Variants in ZBTB44 observed in about 807,000 individuals in gnomAD.
The protein encoded by ZBTB44 is zinc finger and BTB domain containing 44, also known as zinc finger and BTB domain-containing protein 44.
A neutral mutation model predicts 54.0 loss-of-function variants in ZBTB44; 15 were observed. The observed-to-expected ratio is 0.28, with a 90% CI of 0.19 to 0.43. The LOEUF is 0.43. ZBTB44 is among the 20% of genes least tolerant of loss of function. The pLI is 1.00. For missense variants in ZBTB44, 487 were observed against 707.1 expected (o/e 0.69, Z 3.53); for synonymous variants, 230 against 250.1 (o/e 0.92, Z 0.76).
In ZBTB44 at chr11:130,296,201, G is replaced by C. The variant is rs1252829670; in HGVS notation, c.-57+18174C>G. ...GATTTCTCTGAAAAAAGGAGCCATT[G>C]TATGTTAGTGTTGATGATGATAAAG... On this transcript the variant is annotated intron_variant, in intron 1 of 7. Transcript: ENST00000357899. The C allele has an allele frequency of 2.3e-6, 3 of 1,291,842 alleles. No homozygotes were observed. The East Asian group carries it at 6.9e-5, about 30-fold the overall frequency. The allele number at this position is 1,291,842 out of a possible 1,614,324, so 80.0% of individuals were successfully genotyped here. A position where few individuals can be genotyped will look rare whatever the true frequency, so the allele number is the denominator to read the frequency against.
At chr11:130,258,122 T>C (rs1036946228) in intron 2 of ZBTB44, among the ~76,000 whole-genome samples, 1 of 152,186 alleles carries the variant, frequency 6.6e-6, no homozygotes, top group African/African-American at 2.4e-5. Context: ...TTATTCTCTA[T>C]AGCACTAAGG....
intron 1 of ZBTB44, among the ~76,000 whole-genome samples, chr11:130,276,891 T>C (rs1341016287): frequency 6.6e-6 from 1 of 152,248 alleles, no homozygotes; most frequent in Non-Finnish European, 1.5e-5. Context: ...CCTTTTATCC[T>C]TATAAAACGT....
chr11:130,301,996 G>A (rs954745070), intron 1 of ZBTB44, among the ~76,000 whole-genome samples: 4 of 150,272 alleles, frequency 2.7e-5, no homozygotes, highest in Admixed American at 6.6e-5. Context: ...AGGCCATAAT[G>A]AGCCACGATC....
Position 130,281,349 on chromosome 11 carries a change from G to A in ZBTB44, c.-56-19420C>T, listed in dbSNP as rs1452421723. 7.2e-5 allele frequency among the ~76,000 whole-genome samples: 11 copies of A among 151,894 alleles called. No individual in the cohort carries two copies. In the South Asian group the frequency reaches 8.3e-4, roughly 11 times the overall value. On this transcript the variant is annotated intron_variant, in intron 1 of 7. Coordinates refer to ENST00000357899, the MANE Select transcript of ZBTB44 (RefSeq NM_001301098.2). ...AGCCTAGGCAACACAGTGAGACCCT[G>A]TCTCCACAAAAAATACAAAAATTAG...
chr11:130,284,018 T>G (rs2134296074), intron 1 of ZBTB44, among the ~76,000 whole-genome samples: 1 of 127,710 alleles, frequency 7.8e-6, no homozygotes. Flanking sequence ...CTGGGCACGG[T>G]GGCTCATGCC....
intron 1 of ZBTB44, among the ~76,000 whole-genome samples, chr11:130,270,566 A>G (rs1401917451): frequency 6.6e-6 from 1 of 152,168 alleles, no homozygotes; most frequent in East Asian, 1.9e-4. Context: ...CTTCTTCAAA[A>G]AGTACAGGTA....
rs567056520 is a variant in ZBTB44 at position 130,227,523 on chromosome 11, A to G, written c.*4241T>C. On this transcript the variant is annotated 3_prime_UTR_variant, in exon 8 of 8. Coordinates refer to ENST00000357899, the MANE Select transcript of ZBTB44 (RefSeq NM_001301098.2). ...ACAATGCTATAACTGGCAGGGTAAA[A>G]AAGTCCCCCCGCCCCGACTTCCTTG... The G allele has an allele frequency of 6.6e-6, 1 of 152,326 alleles. No homozygotes were observed. The highest frequency in any genetic ancestry group is 2.1e-4 in the South Asian group (1 of 4,816). The allele number at this position is 152,326 out of a possible 1,614,324, so 9.4% of individuals were successfully genotyped here. A position where few individuals can be genotyped will look rare whatever the true frequency, so the allele number is the denominator to read the frequency against.
At position 130,306,808 on chromosome 11, in the gene ZBTB44, G is replaced by A. The variant is rs138464729; in HGVS notation, c.-57+7567C>T. ...ACTCAGGAATGGAAAACCAAATATC[G>A]TATGTTCTCACTTATAAGTGGGAGC... is the stretch of plus-strand genomic sequence containing the variant. On this transcript the variant is annotated intron_variant, in intron 1 of 7. Coordinates refer to ENST00000357899, the MANE Select transcript of ZBTB44 (RefSeq NM_001301098.2). Among the ~76,000 whole-genome samples, 608 of 152,072 alleles carry A rather than the reference G, an allele frequency of 4.0e-3. 7 individuals carry two copies. The highest frequency in any genetic ancestry group is 0.013 in the African/African-American group (560 of 41,504).
chr11:130,307,918 G>A (rs774553602), intron 1 of ZBTB44, among the ~76,000 whole-genome samples: 11 of 152,154 alleles, frequency 7.2e-5, no homozygotes, highest in Non-Finnish European at 1.2e-4. Context: ...TAGAGACAGG[G>A]TTTCACTATA....
intron 2 of ZBTB44, among the ~76,000 whole-genome samples, chr11:130,242,466 C>T (rs1954411272): frequency 6.6e-6 from 1 of 152,216 alleles, no homozygotes; most frequent in African/African-American, 2.4e-5. Flanking sequence ...CACTTCACTT[C>T]TGCCAAAAGT....
At chr11:130,240,082 C>T (rs914855441) in intron 2 of ZBTB44, among the ~76,000 whole-genome samples, 186 bp from the exon 3 acceptor site, 8 of 147,684 alleles carry the variant, frequency 5.4e-5, no homozygotes, top group African/African-American at 1.7e-4. Context: ...CGCTCTGTCG[C>T]CCAGGCTGGA....
rs1463380432 is a variant in ZBTB44, at chr11:130,230,572, T to C, written c.*1192A>G. 1 of 149,118 alleles carries C rather than the reference T, an allele frequency of 6.7e-6. No homozygotes were observed. Among genetic ancestry groups the C allele is most frequent in the Non-Finnish European group, 1.5e-5 (1 of 67,608 alleles). The allele number at this position is 149,118 out of a possible 1,614,324, so 9.2% of individuals were successfully genotyped here. A position where few individuals can be genotyped will look rare whatever the true frequency, so the allele number is the denominator to read the frequency against. ...TTAGTATATTTTGTCTTACTGAAAT[T>C]GATAAAAAAAAAAAACTGGCAATGT... On this transcript the variant is annotated 3_prime_UTR_variant, in exon 8 of 8. Transcript: ENST00000357899.
Position 130,273,451 on chromosome 11 carries a change from G to A in ZBTB44, c.-56-11522C>T, listed in dbSNP as rs190831093. ...CAGTCTCCTGAGTAGCTGGGACTAC[G>A]GGCATGGGCCACCAACATGCCTGGC... On this transcript the variant is annotated intron_variant, in intron 1 of 7. Transcript: ENST00000357899. Among the ~76,000 whole-genome samples, 748 of 151,738 alleles carry A rather than the reference G, an allele frequency of 4.9e-3. 6 individuals carry two copies. Among genetic ancestry groups the A allele is most frequent in the African/African-American group, 0.017 (706 of 41,372 alleles).
intron 1 of ZBTB44, among the ~76,000 whole-genome samples, chr11:130,263,635 C>T (rs1283243809): frequency 1.3e-5 from 2 of 152,116 alleles, no homozygotes; most frequent in Non-Finnish European, 2.9e-5. Context: ...TGAATAGGCC[C>T]CAAACAACAG....
Position 130,229,154 on chromosome 11 carries a change from A to G in ZBTB44, c.*2610T>C, listed in dbSNP as rs1390031015. ...ACTGCCAAACCGAGATACCAATAAC[A>G]TCTGAAATCTTTGCAGAGACTATTT... On this transcript the variant is annotated 3_prime_UTR_variant, in exon 8 of 8. Transcript: ENST00000357899. The G allele has an allele frequency of 6.6e-6, 1 of 152,196 alleles. No individual in the cohort carries two copies. The highest frequency in any genetic ancestry group is 2.4e-5 in the African/African-American group (1 of 41,462). 9.4% of individuals were successfully genotyped at this position (152,196 alleles called of 1,614,324 possible).
At chr11:130,292,092 A>G (rs996298346) in intron 1 of ZBTB44, among the ~76,000 whole-genome samples, 2 of 152,178 alleles carry the variant, frequency 1.3e-5, no homozygotes, top group African/African-American at 4.8e-5. Flanking sequence ...TGTTGAGCGT[A>G]AGGATTTTTG....
intron 1 of ZBTB44, among the ~76,000 whole-genome samples, chr11:130,264,067 T>G (rs910995611): frequency 1.3e-5 from 2 of 152,202 alleles, no homozygotes; most frequent in African/African-American, 4.8e-5. Context: ...GTTCTGCTAT[T>G]TTTACCTGTG....
chr11:130,231,878 T>C (rs772548378), intron 7 of ZBTB44, 163 bp from the exon 8 acceptor site: 5 of 152,220 alleles, frequency 3.3e-5, no homozygotes, highest in East Asian at 1.9e-4. Flanking sequence ...AGCAGTACTA[T>C]ATGAAGTATT....
intron 2 of ZBTB44, among the ~76,000 whole-genome samples, 184 bp from the exon 3 acceptor site, chr11:130,240,080 C>T (rs1056071244): frequency 3.6e-5 from 5 of 137,188 alleles, no homozygotes; most frequent in Admixed American, 2.5e-4. Flanking sequence ...CTCGCTCTGT[C>T]GCCCAGGCTG....
Sources: allele counts gnomAD v4.1 joint callset (sites outside exome capture counted in the v4.1 genomes callset), GRCh38; gene constraint gnomAD v4.1.1; transcripts MANE v1.5; gene names NCBI Gene and HGNC (gene_info 2026-07-23, HGNC 2026-07-21).